The following MAST4 variants were observed in gnomAD, a reference collection of about 807,000 sequenced individuals.
MAST4 encodes microtubule associated serine/threonine kinase family member 4.
A neutral mutation model predicts 162.7 loss-of-function variants in MAST4; 89 were observed. The ratio of observed to expected loss-of-function variants is 0.55; its 90% CI spans 0.46 to 0.65. The LOEUF (loss-of-function observed/expected upper bound fraction) is 0.65, where lower values mean the gene tolerates loss of function less well. MAST4 is among the 30% of genes least tolerant of loss of function. The pLI is 0.00. For synonymous variants in MAST4, 1,479 were observed against 1,361.1 expected (o/e 1.09, Z -1.91); for missense variants, 3,153 against 3,374.0 (o/e 0.93, Z 1.62).
chr5:66,880,798 A>G (rs560926258), intron 3 of MAST4, among the ~76,000 whole-genome samples: 29 of 152,368 alleles, frequency 1.9e-4, no homozygotes, highest in African/African-American at 6.5e-4. Context: ...AAAGCACTCA[A>G]AAATACCAAA....
In MAST4 at chr5:67,060,475, A is replaced by ATTTTT. The variant is rs71610552; in HGVS notation, c.763+6001_763+6005dup. 5.0e-5 allele frequency among the ~76,000 whole-genome samples: 6 copies of ATTTTT among 120,584 alleles called. 1 individual carries two copies. The highest frequency in any genetic ancestry group is 9.7e-5 in the African/African-American group (3 of 30,980). The allele number at this position is 120,584 out of a possible 152,430, so 79.1% of individuals were successfully genotyped here. On this transcript the variant is annotated intron_variant, in intron 5 of 28. Transcript: ENST00000403625. ...CAGAGATACTCCTGGGAGTATCACA[A>ATTTTT]TTTTTTTTTTTTTTTTTTTTTTGAG...
chr5:67,141,725 G>A (rs1770432299), intron 19 of MAST4, among the ~76,000 whole-genome samples: 1 of 152,184 alleles, frequency 6.6e-6, no homozygotes, highest in African/African-American at 2.4e-5. Flanking sequence ...AAATGTTGCT[G>A]TGAACACATT....
intron 3 of MAST4, among the ~76,000 whole-genome samples, chr5:66,879,426 G>A (rs1761543406): frequency 6.6e-6 from 1 of 152,070 alleles, no homozygotes; most frequent in Non-Finnish European, 1.5e-5. Flanking sequence ...AAACCTGGGA[G>A]TATTTCTGGT....
chr5:66,898,211 G>T (rs1220559151), intron 3 of MAST4, among the ~76,000 whole-genome samples: 1 of 152,130 alleles, frequency 6.6e-6, no homozygotes, highest in East Asian at 1.9e-4. Context: ...CTACTCAGGA[G>T]GCTGAGGCAA....
chr5:67,016,731 C>A (rs114027893), intron 4 of MAST4, among the ~76,000 whole-genome samples: 1 of 152,038 alleles, frequency 6.6e-6, no homozygotes, highest in Non-Finnish European at 1.5e-5. Context: ...GTCTTCCAGG[C>A]CTTTGAATGA....
At chr5:67,137,705 A>AG (rs1283838159) in intron 19 of MAST4, among the ~76,000 whole-genome samples, 1 of 152,216 alleles carries the variant, frequency 6.6e-6, no homozygotes, top group Non-Finnish European at 1.5e-5. Context: ...CATTACAGCA[A>AG]GGGTCAGCAA....
At chr5:66,609,833 C>T (rs776002315) in intron 1 of MAST4, among the ~76,000 whole-genome samples, 2 of 151,290 alleles carry the variant, frequency 1.3e-5, no homozygotes, top group African/African-American at 2.4e-5. Context: ...TAGTACCATA[C>T]ACTTCACACC....
intron 6 of MAST4, among the ~76,000 whole-genome samples, chr5:67,092,871 C>G (rs1184353001): frequency 1.3e-5 from 2 of 152,168 alleles, no homozygotes; most frequent in Admixed American, 6.6e-5. Flanking sequence ...CCTGTTTTTC[C>G]TGCTCCCTTT....
intron 3 of MAST4, among the ~76,000 whole-genome samples, chr5:66,811,302 A>T (rs1049470234): frequency 6.6e-6 from 1 of 152,242 alleles, no homozygotes; most frequent in Admixed American, 6.5e-5. Context: ...TGAAGGTAAT[A>T]TATTACTCTG....
rs142661766 is a variant in MAST4, at chr5:66,679,711, G to A, written c.364-79998G>A. Among the ~76,000 whole-genome samples the A allele has an allele frequency of 5.6e-4, 85 of 152,180 alleles. 2 individuals are homozygous for A. The highest frequency in any genetic ancestry group is 1.8e-3 in the African/African-American group (74 of 41,508). ...AAGTTGTTGGCTTCTCGGTGAGGGT[G>A]TGGGGTTGCAGGCTCTCCAGTTGGG... On this transcript the variant is annotated intron_variant, in intron 1 of 28. Coordinates refer to ENST00000403625, the MANE Select transcript of MAST4 (RefSeq NM_001164664.2).
chr5:66,770,537 A>T (rs879098665), intron 2 of MAST4, among the ~76,000 whole-genome samples: 1 of 152,180 alleles, frequency 6.6e-6, no homozygotes, highest in Non-Finnish European at 1.5e-5. Flanking sequence ...GAAACTGCCA[A>T]GTGGCCACCA....
chr5:67,019,676 T>A (rs1341570779), intron 4 of MAST4, among the ~76,000 whole-genome samples: 1 of 152,224 alleles, frequency 6.6e-6, no homozygotes, highest in Non-Finnish European at 1.5e-5. Flanking sequence ...TACTTTCTGC[T>A]TTTTTAGGGA....
chr5:66,833,154 CTT>C (rs1757732289), intron 3 of MAST4, among the ~76,000 whole-genome samples: 1 of 152,192 alleles, frequency 6.6e-6, no homozygotes, highest in Non-Finnish European at 1.5e-5. Flanking sequence ...ACTAGCTCCT[CTT>C]TTGCACCTTT....
At chr5:67,074,223 A>T (rs553891952) in intron 5 of MAST4, among the ~76,000 whole-genome samples, 7 of 152,290 alleles carry the variant, frequency 4.6e-5, no homozygotes, top group African/African-American at 1.4e-4. Context: ...TTATTAATCA[A>T]ATAAATGTAC....
chr5:66,642,804 T>C (rs746069695), intron 1 of MAST4, among the ~76,000 whole-genome samples: 7 of 152,210 alleles, frequency 4.6e-5, no homozygotes, highest in Non-Finnish European at 1.0e-4. Context: ...GGTTCTGAAT[T>C]GTGTATTGCA....
In MAST4 at chr5:67,118,596, A is replaced by G. The variant is rs992756499; in HGVS notation, c.1592-86A>G. ...TAGAGCAATTTTTTTAATATGGGAG[A>G]AACTATTTTTCTTTTGTTTCAGCTT... On this transcript the variant is annotated intron_variant, in intron 12 of 28. Coordinates refer to ENST00000403625, the MANE Select transcript of MAST4 (RefSeq NM_001164664.2). The G allele has an allele frequency of 4.9e-6, 4 of 814,132 alleles. No individual in the cohort carries two copies. The African/African-American group carries it at 7.0e-5, about 14-fold the overall frequency. 50.4% of individuals were successfully genotyped at this position (814,132 alleles called of 1,614,324 possible). A position where few individuals can be genotyped will look rare whatever the true frequency, so the allele number is the denominator to read the frequency against.
intron 4 of MAST4, among the ~76,000 whole-genome samples, chr5:67,044,992 A>G (rs1757195173): frequency 6.6e-6 from 1 of 152,190 alleles, no homozygotes; most frequent in Non-Finnish European, 1.5e-5. Context: ...TTAGCTATGT[A>G]CATTGCCTTG....
intron 4 of MAST4, chr5:66,930,646 A>G (rs950459870): frequency 4.4e-6 from 2 of 453,050 alleles, no homozygotes; most frequent in Non-Finnish European, 9.1e-6. Context: ...AACTTCCCTG[A>G]CAATATATAT....
chr5:66,878,318 GATA>G (rs1387898025), intron 3 of MAST4, among the ~76,000 whole-genome samples: 1 of 152,206 alleles, frequency 6.6e-6, no homozygotes, highest in African/African-American at 2.4e-5. Context: ...ACACTAAAAG[GATA>G]ATGTTTTCCC....
Sources: allele counts gnomAD v4.1 joint callset (sites outside exome capture counted in the v4.1 genomes callset), GRCh38; gene constraint gnomAD v4.1.1; transcripts MANE v1.5; gene names NCBI Gene and HGNC (gene_info 2026-07-23, HGNC 2026-07-21).